GALNT18: variants seen among roughly 807,000 people sequenced by gnomAD.
GALNT18 encodes GalNAc-transferase 18.
Under a neutral mutation model 69.5 loss-of-function variants are expected in GALNT18, and 44 were observed. The observed-to-expected ratio is 0.63, with a 90% confidence interval of 0.50 to 0.81. The LOEUF (loss-of-function observed/expected upper bound fraction) is 0.81. Ranked by LOEUF, GALNT18 falls within the 40% of genes least tolerant of loss-of-function variation. The pLI is 0.00. For synonymous variants in GALNT18, 364 were observed against 318.2 expected (o/e 1.14, Z -1.53); for missense variants, 715 against 810.0 (o/e 0.88, Z 1.42).
At chr11:11,380,913 A>G (rs1853899198) in intron 3 of GALNT18, among the ~76,000 whole-genome samples, 1 of 152,156 alleles carries the variant, frequency 6.6e-6, no homozygotes, top group Non-Finnish European at 1.5e-5. Flanking sequence ...CATTCAAGTG[A>G]TCCTTTTAAA....
intron 2 of GALNT18, among the ~76,000 whole-genome samples, chr11:11,445,303 T>C (rs1168781109): frequency 1.3e-5 from 2 of 152,196 alleles, no homozygotes; most frequent in Non-Finnish European, 2.9e-5. Context: ...TGAAGGCTAA[T>C]CATAGGACCT....
At chr11:11,474,610 G>A (rs531645941) in intron 1 of GALNT18, among the ~76,000 whole-genome samples, 1 of 152,280 alleles carries the variant, frequency 6.6e-6, no homozygotes, top group East Asian at 1.9e-4. Context: ...GGATATGGAG[G>A]GAAGTATTTA....
chr11:11,429,083 G>A (rs1855206899), intron 3 of GALNT18, among the ~76,000 whole-genome samples: 1 of 152,094 alleles, frequency 6.6e-6, no homozygotes, highest in Admixed American at 6.6e-5. Context: ...ATCTTCATCT[G>A]GCTTCGACAG....
At chr11:11,516,273 C>T (rs192767850) in intron 1 of GALNT18, among the ~76,000 whole-genome samples, 1 of 152,328 alleles carries the variant, frequency 6.6e-6, no homozygotes, top group African/African-American at 2.4e-5. Context: ...CCAAATAGCC[C>T]ATCCCTGGAA....
At chr11:11,593,165 G>A (rs1015020908) in intron 1 of GALNT18, among the ~76,000 whole-genome samples, 20 of 152,094 alleles carry the variant, frequency 1.3e-4, no homozygotes, top group Admixed American at 3.9e-4. Context: ...CGCCCGCCTC[G>A]GCCTCCCGCT....
In GALNT18 at chr11:11,379,255, T is replaced by G; in HGVS notation, c.605A>C (p.Lys202Thr). The change falls in exon 4 of 11, where the codon AAG (lysine) becomes ACG (threonine). Residue 202 changes from lysine to threonine, a missense_variant. By Grantham distance (78) the Lys-to-Thr change is moderately conservative. Coordinates refer to ENST00000227756, the MANE Select transcript of GALNT18 (RefSeq NM_198516.3). The stretch of plus-strand genomic sequence containing the variant: ...GTCCACATATTCGGTCAGCTTCTCC[T>G]TCAGTTCCTCTGTCAGGGAGAAAAT... Reference protein sequence around the residue: ...VDDNSSNEELKEKLTEYVDKV... With the variant: ...VDDNSSNEELTEKLTEYVDKV... 1.2e-6 allele frequency: 2 copies of G among 1,612,202 alleles called. No homozygotes were observed. The highest frequency in any genetic ancestry group is 1.7e-6 in the Non-Finnish European group (2 of 1,179,490).
chr11:11,468,658 T>C (rs1856205570), intron 1 of GALNT18, among the ~76,000 whole-genome samples: 1 of 152,104 alleles, frequency 6.6e-6, no homozygotes, highest in South Asian at 2.1e-4. Context: ...TCAGGGACTC[T>C]TCATTGAGCC....
At chr11:11,437,277 C>T (rs1855424427) in intron 2 of GALNT18, among the ~76,000 whole-genome samples, 1 of 152,318 alleles carries the variant, frequency 6.6e-6, no homozygotes, top group East Asian at 1.9e-4. Flanking sequence ...GCCATAAAAA[C>T]CTCCCTTTTT....
rs1354764319 is a variant in GALNT18, at chr11:11,430,585, T to A, written c.595+2036A>T. 1.3e-5 allele frequency among the ~76,000 whole-genome samples: 2 copies of A among 152,242 alleles called. No individual in the cohort carries two copies. The highest frequency in any genetic ancestry group is 2.9e-5 in the Non-Finnish European group (2 of 68,034). On this transcript the variant is annotated intron_variant, in intron 3 of 10. Coordinates refer to ENST00000227756, the MANE Select transcript of GALNT18 (RefSeq NM_198516.3). The surrounding 1 kb of genome is among the most constrained non-coding windows in gnomAD (Gnocchi z 4.9). ...CTCGTCTGCATCCCTGATGACGGAC[T>A]ACTGCACCAGGGCATTGCTCCTGCT...
intron 1 of GALNT18, among the ~76,000 whole-genome samples, chr11:11,477,379 C>T (rs1196711326): frequency 1.2e-4 from 19 of 152,174 alleles, no homozygotes. Flanking sequence ...AGTCACCTGG[C>T]CCAGCAGGGG....
chr11:11,574,681 T>C lies in GALNT18; in HGVS notation c.235+46678A>G, dbSNP rs549095878. ...ATGGCTAAAAGGAAGCAAAAGACAC[T>C]CTGGGTGCAGGCAGGAGCTGATGTC... On this transcript the variant is annotated intron_variant, in intron 1 of 10. Coordinates refer to ENST00000227756, the MANE Select transcript of GALNT18 (RefSeq NM_198516.3). 7.9e-5 allele frequency among the ~76,000 whole-genome samples: 12 copies of C among 152,244 alleles called. No individual in the cohort carries two copies. The South Asian group carries it at 2.5e-3, about 32-fold the overall frequency.
chr11:11,281,705 AAGCCC>A (rs562022233), intron 10 of GALNT18, among the ~76,000 whole-genome samples: 228 of 151,764 alleles, frequency 1.5e-3, no homozygotes, highest in African/African-American at 5.0e-3. Flanking sequence ...GATGTTTCCC[AAGCCC>A]AGCCCAGCCA....
At chr11:11,286,296 T>C (rs763176182) in intron 10 of GALNT18, among the ~76,000 whole-genome samples, 4 of 152,222 alleles carry the variant, frequency 2.6e-5, no homozygotes, top group Non-Finnish European at 5.9e-5. Flanking sequence ...TCCACCTCTC[T>C]CCTCCAAATC....
At chr11:11,293,640 C>T (rs1335504368) in intron 9 of GALNT18, among the ~76,000 whole-genome samples, 1 of 149,322 alleles carries the variant, frequency 6.7e-6, no homozygotes. Context: ...CTCCCAGGCT[C>T]AAGTGATTCT....
chr11:11,487,226 A>G (rs1856663191), intron 1 of GALNT18, among the ~76,000 whole-genome samples: 1 of 152,194 alleles, frequency 6.6e-6, no homozygotes, highest in Non-Finnish European at 1.5e-5. Flanking sequence ...GCATCAAGGC[A>G]TAAGAATGAC....
chr11:11,422,633 T>A (rs1855037022), intron 3 of GALNT18, among the ~76,000 whole-genome samples: 1 of 151,420 alleles, frequency 6.6e-6, no homozygotes, highest in African/African-American at 2.5e-5. Context: ...TTTTTTTTTT[T>A]TAACTTTTGC....
rs1167642721 is a variant in GALNT18, at chr11:11,595,115, A to G, written c.235+26244T>C. ...CTTAAAATTTTGAGGAACTCCCAAA[A>G]TGTTTTCCAAAGTGATGGTACCATT... On this transcript the variant is annotated intron_variant, in intron 1 of 10. Coordinates refer to ENST00000227756, the MANE Select transcript of GALNT18 (RefSeq NM_198516.3). The surrounding 1 kb of genome is among the most constrained non-coding windows in gnomAD (Gnocchi z 5.2). 6.6e-6 allele frequency among the ~76,000 whole-genome samples: 1 copy of G among 151,922 alleles called. No homozygotes were observed. Among genetic ancestry groups the G allele is most frequent in the Non-Finnish European group, 1.5e-5 (1 of 67,976 alleles).
At chr11:11,352,264 G>T in intron 6 of GALNT18, 1 of 1,614,074 alleles carries the variant, frequency 6.2e-7, no homozygotes, top group Non-Finnish European at 8.5e-7. Flanking sequence ...TTTTCACTGT[G>T]GACAAAGCGT....
intron 10 of GALNT18, among the ~76,000 whole-genome samples, chr11:11,280,132 AC>A (rs947284595): frequency 6.6e-6 from 1 of 152,032 alleles, no homozygotes; most frequent in Non-Finnish European, 1.5e-5. Flanking sequence ...TGTGCCCCAC[AC>A]CCCAGGGCAC....
Sources: gnomAD v4.1 joint callset for allele counts (sites outside exome capture counted in the v4.1 genomes callset) on GRCh38, gnomAD v4.1.1 for gene constraint, Gnocchi (gnomAD v3.1) non-coding constraint, MANE v1.5 for transcripts, NCBI Gene and HGNC (gene_info 2026-07-23, HGNC 2026-07-21) for gene names.